CPNE4: variants seen among roughly 807,000 people sequenced by gnomAD.
CPNE4 encodes copine-4.
CPNE4 carries 25 observed loss-of-function variants against 67.9 expected under a neutral mutation model. The observed-to-expected ratio is 0.37, with a 90% CI of 0.27 to 0.51. The LOEUF is 0.51. CPNE4 is among the 20% of genes least tolerant of loss of function. CPNE4 has a pLI of 0.93. For synonymous variants in CPNE4, 242 were observed against 244.9 expected (o/e 0.99, Z 0.11); for missense variants, 464 against 690.8 (o/e 0.67, Z 3.68).
intron 3 of CPNE4, among the ~76,000 whole-genome samples, chr3:131,708,793 T>A (rs2107717136): frequency 6.6e-6 from 1 of 151,752 alleles, no homozygotes; most frequent in East Asian, 1.9e-4. Context: ...TTACTGAGGA[T>A]GCAGGAAAAA....
chr3:131,846,255 C>T (rs1365825846), intron 2 of CPNE4, among the ~76,000 whole-genome samples: 1 of 152,164 alleles, frequency 6.6e-6, no homozygotes, highest in East Asian at 1.9e-4. Context: ...TCATCAAGAA[C>T]ATCTAGTACG....
chr3:131,889,593 A>T (rs1293361859), intron 2 of CPNE4, among the ~76,000 whole-genome samples: 1 of 152,214 alleles, frequency 6.6e-6, no homozygotes, highest in African/African-American at 2.4e-5. Context: ...CACTTTCTGA[A>T]TTTCAAATAT....
At chr3:131,803,980 C>T (rs1244373143) in intron 2 of CPNE4, among the ~76,000 whole-genome samples, 5 of 152,152 alleles carry the variant, frequency 3.3e-5, no homozygotes, top group African/African-American at 1.2e-4. Context: ...TAAATCAATA[C>T]ATCTTAATTA....
At chr3:131,857,575 T>C (rs1027528928) in intron 2 of CPNE4, among the ~76,000 whole-genome samples, 1 of 152,032 alleles carries the variant, frequency 6.6e-6, no homozygotes, top group Non-Finnish European at 1.5e-5. Context: ...AGAGAAAAGA[T>C]CTGGGTTCTG....
At chr3:131,988,652 T>C (rs899773601) in intron 1 of CPNE4, among the ~76,000 whole-genome samples, 1 of 152,314 alleles carries the variant, frequency 6.6e-6, no homozygotes, top group East Asian at 1.9e-4. Flanking sequence ...CAGGGTGTCA[T>C]GCACAAAAAT....
chr3:131,564,962 C>T (rs1936979587), intron 10 of CPNE4, among the ~76,000 whole-genome samples: 1 of 151,990 alleles, frequency 6.6e-6, no homozygotes, highest in African/African-American at 2.4e-5. Flanking sequence ...TGAATGTTAT[C>T]GCATTGTGAG....
intron 4 of CPNE4, among the ~76,000 whole-genome samples, chr3:131,698,128 G>A (rs113973578): frequency 6.6e-6 from 1 of 151,138 alleles, no homozygotes; most frequent in Non-Finnish European, 1.5e-5. Context: ...CCAGCTACTC[G>A]GGAGGCTGAG....
chr3:131,541,532 C>G (rs1382568175), intron 15 of CPNE4, among the ~76,000 whole-genome samples: 8 of 151,338 alleles, frequency 5.3e-5, no homozygotes, highest in African/African-American at 1.7e-4. Context: ...AAACTGATAG[C>G]AGGCGATTTC....
At chr3:131,805,738 C>G (rs1332697412) in intron 2 of CPNE4, among the ~76,000 whole-genome samples, 2 of 152,156 alleles carry the variant, frequency 1.3e-5, no homozygotes, top group African/African-American at 2.4e-5. Context: ...AGCAAGTGTT[C>G]TAAGACAGAT....
chr3:132,016,785 TCTC>T (rs2073898234), intron 1 of CPNE4, among the ~76,000 whole-genome samples: 1 of 152,174 alleles, frequency 6.6e-6, no homozygotes, highest in Admixed American at 6.5e-5. Flanking sequence ...TCAAAAGGCT[TCTC>T]CTTCATCCAT....
intron 2 of CPNE4, among the ~76,000 whole-genome samples, chr3:131,821,931 G>T (rs2084975138): frequency 6.6e-6 from 1 of 152,096 alleles, no homozygotes; most frequent in African/African-American, 2.4e-5. Flanking sequence ...AATTCTTCAA[G>T]GGACTCTCTA....
chr3:131,611,732 C>A (rs549091763), intron 7 of CPNE4, among the ~76,000 whole-genome samples: 1 of 151,746 alleles, frequency 6.6e-6, no homozygotes, highest in African/African-American at 2.4e-5. Context: ...CTTAGACTTT[C>A]TTCTGACATT....
intron 1 of CPNE4, among the ~76,000 whole-genome samples, chr3:131,935,139 C>T (rs1205025155): frequency 1.3e-5 from 2 of 152,104 alleles, no homozygotes; most frequent in Non-Finnish European, 2.9e-5. Context: ...TACCATCCTT[C>T]CCCCATGTGT....
intron 1 of CPNE4, among the ~76,000 whole-genome samples, chr3:131,942,505 AGAGAGAGAG>A (rs2071430397): frequency 8.5e-6 from 1 of 118,320 alleles, no homozygotes; most frequent in African/African-American, 3.8e-5. Flanking sequence ...AGAGAGAGAG[AGAGAGAGAG>A]ATCATTTTAT....
chr3:131,925,821 G>C (rs1480895474), intron 1 of CPNE4, among the ~76,000 whole-genome samples: 1 of 152,150 alleles, frequency 6.6e-6, no homozygotes, highest in Non-Finnish European at 1.5e-5. Context: ...ATGAACACTT[G>C]AGAAATAAAC....
intron 2 of CPNE4, among the ~76,000 whole-genome samples, chr3:131,796,948 G>C (rs2083933634): frequency 6.6e-6 from 1 of 152,194 alleles, no homozygotes; most frequent in Non-Finnish European, 1.5e-5. Flanking sequence ...TCAACCAGCA[G>C]ACTGTTCTCT....
chr3:131,537,674 G>A, intron 15 of CPNE4: 1 of 248,818 alleles, frequency 4.0e-6, no homozygotes, highest in Non-Finnish European at 8.0e-6. Flanking sequence ...CAGCCAACAT[G>A]CTCTGGACAC....
At chr3:131,932,816 G>A (rs562685929) in intron 1 of CPNE4, among the ~76,000 whole-genome samples, 17 of 152,108 alleles carry the variant, frequency 1.1e-4, no homozygotes, top group African/African-American at 3.4e-4. Context: ...TCAGGAGTTC[G>A]AAACCAGCCT....
chr3:131,717,133 C>T (rs2081717337), intron 3 of CPNE4, among the ~76,000 whole-genome samples: 1 of 152,206 alleles, frequency 6.6e-6, no homozygotes, highest in Admixed American at 6.5e-5. Flanking sequence ...AGTGTCAAAA[C>T]CTGTGAAACC....
Sources: allele counts gnomAD v4.1 joint callset (sites outside exome capture counted in the v4.1 genomes callset), GRCh38; gene constraint gnomAD v4.1.1; transcripts MANE v1.5; gene names NCBI Gene and HGNC (gene_info 2026-07-23, HGNC 2026-07-21).